The following NTM variants were observed in gnomAD, a reference collection of about 807,000 sequenced individuals.
The protein encoded by NTM is IgLON family member 2.
A neutral mutation model predicts 42.1 loss-of-function variants in NTM; 13 were observed. The observed-to-expected ratio is 0.31, with a 90% CI of 0.20 to 0.49. The LOEUF (loss-of-function observed/expected upper bound fraction) is 0.49. Ranked by LOEUF, NTM falls within the 20% of genes least tolerant of loss-of-function variation. The pLI is 0.99. For synonymous variants in NTM, 187 were observed against 179.2 expected (o/e 1.04, Z -0.35); for missense variants, 373 against 452.8 (o/e 0.82, Z 1.60).
At chr11:132,168,343 G>A (rs117059377) in intron 3 of NTM, among the ~76,000 whole-genome samples, 173 of 152,292 alleles carry the variant, frequency 1.1e-3, no homozygotes, top group Non-Finnish European at 1.6e-3. Flanking sequence ...ACAATCCTGG[G>A]TTGCTGGTTA....
rs1951094053 is a variant in NTM at position 131,458,415 on chromosome 11, T to C, written c.82+87527T>C. Among the ~76,000 whole-genome samples, 4 of 152,148 alleles carry C rather than the reference T, an allele frequency of 2.6e-5. No individual in the cohort carries two copies. The South Asian group carries it at 8.3e-4, about 32-fold the overall frequency. On this transcript the variant is annotated intron_variant, in intron 1 of 8. Transcript: ENST00000683400. ...AGCATTTATAGGGCACAGAGGAGAGTGGTCAAGAACACCTGCGGAGCTCCT... is the reference window on the plus strand; with the variant it reads ...AGCATTTATAGGGCACAGAGGAGAGCGGTCAAGAACACCTGCGGAGCTCCT...
chr11:132,161,947 G>T (rs1012624674), intron 3 of NTM, among the ~76,000 whole-genome samples: 4 of 152,126 alleles, frequency 2.6e-5, no homozygotes, highest in Non-Finnish European at 5.9e-5. Context: ...AGTTTCACTC[G>T]TAATAGATCA....
At chr11:131,401,962 T>C (rs1046824211) in intron 1 of NTM, among the ~76,000 whole-genome samples, 1 of 149,954 alleles carries the variant, frequency 6.7e-6, no homozygotes, top group African/African-American at 2.5e-5. Context: ...TTGTTAGCCA[T>C]GTCTTGCTCA....
intron 1 of NTM, among the ~76,000 whole-genome samples, chr11:131,555,887 C>T (rs1354317744): frequency 6.6e-6 from 1 of 152,128 alleles, no homozygotes; most frequent in Non-Finnish European, 1.5e-5. Context: ...AGTGATGGCA[C>T]CATGAAGCCC....
At chr11:131,882,935 G>T (rs760057176) in intron 1 of NTM, among the ~76,000 whole-genome samples, 1 of 151,990 alleles carries the variant, frequency 6.6e-6, no homozygotes, top group East Asian at 1.9e-4. Flanking sequence ...GGAAAATAAC[G>T]AATGAATGGG....
Position 131,521,383 on chromosome 11 carries a change from C to CTTTT in NTM, c.82+150531_82+150534dup, listed in dbSNP as rs773233050. On this transcript the variant is annotated intron_variant, in intron 1 of 8. Transcript: ENST00000683400. ...AATGCAGAAGAAGCAAGGTGCCAGT[C>CTTTT]TTTTTTTTTTTTTTTTTTTTTTTTT... 7.6e-4 allele frequency among the ~76,000 whole-genome samples: 35 copies of CTTTT among 45,756 alleles called. 14 individuals are homozygous for CTTTT. The highest frequency in any genetic ancestry group is 1.2e-3 in the Non-Finnish European group (31 of 25,550). The allele number at this position is 45,756 out of a possible 152,430, so 30.0% of individuals were successfully genotyped here.
chr11:132,000,173 G>C (rs2068913958), intron 2 of NTM, among the ~76,000 whole-genome samples: 1 of 152,124 alleles, frequency 6.6e-6, no homozygotes, highest in Non-Finnish European at 1.5e-5. Context: ...CACACTCCCA[G>C]ACAGTCCCTG....
At chr11:131,786,945 A>C (rs1235446675) in intron 1 of NTM, among the ~76,000 whole-genome samples, 1 of 152,222 alleles carries the variant, frequency 6.6e-6, no homozygotes, top group East Asian at 1.9e-4. Context: ...AAATTTTATA[A>C]GTGGAATTAT....
chr11:132,139,631 G>A (rs1206822745), intron 2 of NTM, among the ~76,000 whole-genome samples: 1 of 152,150 alleles, frequency 6.6e-6, no homozygotes, highest in Non-Finnish European at 1.5e-5. Context: ...GAAGTGGAGG[G>A]GGACTGCCTC....
At chr11:131,409,635 G>A (rs1368314138) in intron 1 of NTM, among the ~76,000 whole-genome samples, 7 of 152,240 alleles carry the variant, frequency 4.6e-5, no homozygotes, top group African/African-American at 7.2e-5. Context: ...GCAGCGGCAC[G>A]GGGGCAGGGG....
Position 131,968,359 on chromosome 11 carries a change from T to C in NTM, c.167+56711T>C, listed in dbSNP as rs143634384. On this transcript the variant is annotated intron_variant, in intron 2 of 8. Transcript: ENST00000683400. The stretch of plus-strand genomic sequence containing the variant: ...GAATACACTGGACCCTGGTATCCAG[T>C]GCATCCTCAGGCCCATAATTTGCCA... 6.6e-5 allele frequency among the ~76,000 whole-genome samples: 10 copies of C among 152,256 alleles called. No individual in the cohort carries two copies. The East Asian group carries it at 1.9e-3, about 29-fold the overall frequency.
chr11:131,439,597 G>A (rs527363587), intron 1 of NTM, among the ~76,000 whole-genome samples: 2 of 152,242 alleles, frequency 1.3e-5, no homozygotes, highest in East Asian at 1.9e-4. Context: ...AGCTCTGTGG[G>A]CATGGGACCG....
At position 132,177,720 on chromosome 11, in the gene NTM, A is replaced by G. The variant is rs2077019643; in HGVS notation, c.400+31206A>G. ...GAGACTAATGAAATGCCTAAAGCTAATAAAAAATCTTGTTGTTGAAGGCAA... is the reference window on the plus strand; with the variant it reads ...GAGACTAATGAAATGCCTAAAGCTAGTAAAAAATCTTGTTGTTGAAGGCAA... On this transcript the variant is annotated intron_variant, in intron 3 of 8. Transcript: ENST00000683400. Among the ~76,000 whole-genome samples, 3 of 152,206 alleles carry G rather than the reference A, an allele frequency of 2.0e-5. No individual in the cohort carries two copies. The South Asian group carries it at 6.2e-4, about 32-fold the overall frequency.
At chr11:131,500,569 ATATATATATTTTTTTT>A (rs766010247) in intron 1 of NTM, among the ~76,000 whole-genome samples, 1,449 of 58,066 alleles carry the variant, frequency 0.025, 34 homozygotes, top group South Asian at 0.075. Context: ...ATATATATAT[ATATATATATTTTTTTT>A]TTTTTTTTTT....
chr11:131,961,320 G>T (rs528997857), intron 2 of NTM, among the ~76,000 whole-genome samples: 1 of 152,204 alleles, frequency 6.6e-6, no homozygotes, highest in African/African-American at 2.4e-5. Flanking sequence ...CTATTAAGGT[G>T]TGTGGAGTGG....
intron 1 of NTM, among the ~76,000 whole-genome samples, chr11:131,885,408 C>T (rs1168916200): frequency 1.3e-5 from 2 of 152,194 alleles, no homozygotes; most frequent in African/African-American, 4.8e-5. Flanking sequence ...CGTGGAGAGC[C>T]AGCTGACACA....
chr11:132,218,330 TC>T (rs1212434242), intron 4 of NTM, among the ~76,000 whole-genome samples: 1 of 152,200 alleles, frequency 6.6e-6, no homozygotes, highest in Non-Finnish European at 1.5e-5. Flanking sequence ...CTATGCCAAT[TC>T]TAGACAACTC....
At chr11:131,500,550 T>TATAA (rs1379225326) in intron 1 of NTM, among the ~76,000 whole-genome samples, 1 of 12,816 alleles carries the variant, frequency 7.8e-5, no homozygotes. Flanking sequence ...ATTATATATA[T>TATAA]ATATATATAT....
chr11:131,594,914 A>G (rs1261816713), intron 1 of NTM, among the ~76,000 whole-genome samples: 1 of 152,164 alleles, frequency 6.6e-6, no homozygotes, highest in Non-Finnish European at 1.5e-5. Flanking sequence ...GCCACTCAGT[A>G]GCCATGTGTC....
Sources: allele counts gnomAD v4.1 joint callset (sites outside exome capture counted in the v4.1 genomes callset), GRCh38; gene constraint gnomAD v4.1.1; transcripts MANE v1.5; gene names NCBI Gene and HGNC (gene_info 2026-07-23, HGNC 2026-07-21).